The following PLXNA2 variants were observed in gnomAD, a reference collection of about 807,000 sequenced individuals.
PLXNA2 encodes plexin-A2.
In PLXNA2, 91 loss-of-function variants were observed where a neutral mutation model predicts 193.5. That is an observed-to-expected ratio of 0.47 (90% CI 0.40 to 0.56). The LOEUF (loss-of-function observed/expected upper bound fraction) is 0.56. PLXNA2 is among the 20% of genes least tolerant of loss of function. PLXNA2 has a pLI of 0.00. For synonymous variants in PLXNA2, 997 were observed against 1,027.3 expected (o/e 0.97, Z 0.56); for missense variants, 1,995 against 2,503.2 (o/e 0.80, Z 4.33).
At chr1:208,147,555 G>A (rs1668637905) in intron 3 of PLXNA2, among the ~76,000 whole-genome samples, 1 of 152,200 alleles carries the variant, frequency 6.6e-6, no homozygotes, top group Non-Finnish European at 1.5e-5. Context: ...AGTGCTACGT[G>A]CTGTCACAGT....
intron 3 of PLXNA2, among the ~76,000 whole-genome samples, chr1:208,154,053 T>C (rs1423359756): frequency 1.3e-5 from 2 of 151,886 alleles, no homozygotes; most frequent in African/African-American, 4.8e-5. Context: ...GAGTAAGGAT[T>C]GTCTCGATCT....
At chr1:208,029,461 G>T in intron 29 of PLXNA2, 1 of 1,009,306 alleles carries the variant, frequency 9.9e-7, no homozygotes, top group East Asian at 9.8e-5. Flanking sequence ...GCAGCCAGGA[G>T]CCCCAGGCTC....
At position 208,056,723 on chromosome 1, in the gene PLXNA2, G is replaced by C. The variant is rs551646133; in HGVS notation, c.2739-2185C>G. Reference sequence around the variant, plus strand: ...GTAGTTGGAAAGGCAGGATGCAGGGGTCCAGGGGCTGCACTGGGGAGAAAT... The same window carrying C: ...GTAGTTGGAAAGGCAGGATGCAGGGCTCCAGGGGCTGCACTGGGGAGAAAT... On this transcript the variant is annotated intron_variant, in intron 13 of 31. Transcript: ENST00000367033. Among the ~76,000 whole-genome samples the C allele has an allele frequency of 4.6e-5, 7 of 152,320 alleles. No individual in the cohort carries two copies. In the East Asian group the frequency reaches 1.4e-3, roughly 29 times the overall value.
intron 4 of PLXNA2, among the ~76,000 whole-genome samples, chr1:208,138,544 C>T (rs1296499720): frequency 1.3e-5 from 2 of 152,200 alleles, no homozygotes; most frequent in Non-Finnish European, 1.5e-5. Context: ...GACCCTTCAG[C>T]GAAGATGCTC....
At chr1:208,027,482 G>A in intron 31 of PLXNA2, 144 bp from the exon 32 acceptor site, 1 of 603,940 alleles carries the variant, frequency 1.7e-6, no homozygotes, top group Non-Finnish European at 3.0e-6. Flanking sequence ...ATGATTAACT[G>A]AATGAATACA....
intron 12 of PLXNA2, among the ~76,000 whole-genome samples, chr1:208,070,644 C>G (rs1665947826): frequency 6.6e-6 from 1 of 152,190 alleles, no homozygotes. Context: ...AAGTAGCTAG[C>G]TGCAGGTCAA....
intron 22 of PLXNA2, chr1:208,040,356 G>A (rs1571851149): frequency 2.5e-6 from 1 of 406,206 alleles, no homozygotes; most frequent in South Asian, 3.2e-5. Flanking sequence ...TGTGGATAAA[G>A]GCACCTCACT....
At chr1:208,222,916 C>T (rs935376350) in intron 1 of PLXNA2, among the ~76,000 whole-genome samples, 1 of 152,156 alleles carries the variant, frequency 6.6e-6, no homozygotes. Context: ...TCATCAACAT[C>T]ATCGTCACCT....
At chr1:208,085,015 G>A (rs927679093) in intron 9 of PLXNA2, among the ~76,000 whole-genome samples, 5 of 151,312 alleles carry the variant, frequency 3.3e-5, no homozygotes, top group Non-Finnish European at 5.9e-5. Flanking sequence ...CAGCTTCCCA[G>A]CCCCGACTGA....
intron 3 of PLXNA2, among the ~76,000 whole-genome samples, chr1:208,186,416 AC>A (rs1669999627): frequency 6.6e-6 from 1 of 152,232 alleles, no homozygotes; most frequent in African/African-American, 2.4e-5. Flanking sequence ...TGGCAAAAAA[AC>A]AAACAAACGG....
At chr1:208,048,303 G>T (rs7514550) in intron 17 of PLXNA2, among the ~76,000 whole-genome samples, 75,545 of 152,130 alleles carry the variant, frequency 0.5, 19,653 homozygotes, top group Non-Finnish European at 0.58. Flanking sequence ...GCCCAGGTGT[G>T]CTGAGGATGA....
chr1:208,234,014 G>A (rs1481226547), intron 1 of PLXNA2, among the ~76,000 whole-genome samples: 2 of 152,190 alleles, frequency 1.3e-5, no homozygotes, highest in Non-Finnish European at 2.9e-5. Context: ...CTGCTTCATC[G>A]TGAGATGCCT....
At chr1:208,173,682 T>C (rs1254979767) in intron 3 of PLXNA2, among the ~76,000 whole-genome samples, 1 of 152,206 alleles carries the variant, frequency 6.6e-6, no homozygotes, top group Non-Finnish European at 1.5e-5. Flanking sequence ...GATCTCGTTC[T>C]GGGGCTGTGC....
intron 3 of PLXNA2, among the ~76,000 whole-genome samples, chr1:208,204,109 C>T (rs920163343): frequency 4.6e-5 from 7 of 152,168 alleles, no homozygotes; most frequent in African/African-American, 1.7e-4. Context: ...AAGAATTTTC[C>T]TTTAAGAATT....
Position 208,098,929 on chromosome 1 carries a change from T to C in PLXNA2, c.1648A>G (p.Asn550Asp), listed in dbSNP as rs1458045871. 6.2e-7 allele frequency: 1 copy of C among 1,613,654 alleles called. No homozygotes were observed. The highest frequency in any genetic ancestry group is 1.7e-5 in the Admixed American group (1 of 59,988). Residue 550 changes from asparagine (N) to aspartate (D), a missense_variant, in exon 6 of 32, where the codon AAT (asparagine) becomes GAT (aspartate). Coordinates refer to ENST00000367033, the MANE Select transcript of PLXNA2 (RefSeq NM_025179.4). The stretch of plus-strand genomic sequence containing the variant: ...TGGCTGATGCTGGCAGCAAATCGAT[T>C]AGGTTCCCAGGCCTGTTGGCATTTG... ...RDKCQQAWEP[N>D]RFAASISQCV... is the part of the protein sequence containing the mutation.
chr1:208,148,397 T>C (rs555280310), intron 3 of PLXNA2, among the ~76,000 whole-genome samples: 31 of 152,324 alleles, frequency 2.0e-4, no homozygotes, highest in Non-Finnish European at 4.1e-4. Context: ...CACTGGATCA[T>C]GTCTGCAGGG....
At chr1:208,153,306 G>C (rs1196475622) in intron 3 of PLXNA2, among the ~76,000 whole-genome samples, 1 of 152,160 alleles carries the variant, frequency 6.6e-6, no homozygotes, top group African/African-American at 2.4e-5. Context: ...ATGAGGAAAC[G>C]GAGGCATAGT....
chr1:208,211,074 G>A (rs899955744), intron 2 of PLXNA2, among the ~76,000 whole-genome samples: 10 of 152,130 alleles, frequency 6.6e-5, no homozygotes, highest in African/African-American at 1.4e-4. Flanking sequence ...TAATGATATC[G>A]AACAGTACCT....
chr1:208,109,403 A>G (rs557001019), intron 4 of PLXNA2, among the ~76,000 whole-genome samples: 2 of 152,208 alleles, frequency 1.3e-5, no homozygotes, highest in South Asian at 2.1e-4. Context: ...AAAAGATCTG[A>G]CACTCATTTA....
Sources: allele counts gnomAD v4.1 joint callset (sites outside exome capture counted in the v4.1 genomes callset), GRCh38; gene constraint gnomAD v4.1.1; transcripts MANE v1.5; gene names NCBI Gene and HGNC (gene_info 2026-07-23, HGNC 2026-07-21).